PFKFB3: variants seen among roughly 807,000 people sequenced by gnomAD.
PFKFB3 encodes 6-phosphofructo-2-kinase/fructose-2,6-biphosphatase 3.
In PFKFB3, 33 loss-of-function variants were observed where a neutral mutation model predicts 68.0. The observed-to-expected ratio is 0.49, with a 90% CI of 0.37 to 0.65. The LOEUF (loss-of-function observed/expected upper bound fraction) is 0.65, where lower values mean the gene tolerates loss of function less well. Ranked by LOEUF, PFKFB3 falls within the 30% of genes least tolerant of loss-of-function variation. The pLI is 0.00. For missense variants in PFKFB3, 586 were observed against 712.2 expected (o/e 0.82, Z 2.02); for synonymous variants, 315 against 288.2 (o/e 1.09, Z -0.94).
the PFKFB3 span, among the ~76,000 whole-genome samples, chr10:6,313,364 T>A: frequency 6.6e-6 from 1 of 152,188 alleles, no homozygotes; most frequent in African/African-American, 2.4e-5. The surrounding 1 kb of genome is among the most constrained non-coding windows in gnomAD (Gnocchi z 4.2). Context: ...ATTATCACTA[T>A]CAGTAGTTTA....
chr10:6,163,023 T>G (rs1030286619), intron 1 of PFKFB3, among the ~76,000 whole-genome samples: 3 of 152,228 alleles, frequency 2.0e-5, no homozygotes, highest in Non-Finnish European at 4.4e-5. Context: ...GAGTTCTTCC[T>G]CTCCTTCCCC....
At chr10:6,204,464 G>T (rs552917370) in intron 1 of PFKFB3, among the ~76,000 whole-genome samples, 1 of 152,350 alleles carries the variant, frequency 6.6e-6, no homozygotes, top group Non-Finnish European at 1.5e-5. Flanking sequence ...AGCTCTCCTG[G>T]AGCCCTGCTC....
At chr10:6,152,655 T>C (rs779663846) in intron 1 of PFKFB3, among the ~76,000 whole-genome samples, 2 of 152,056 alleles carry the variant, frequency 1.3e-5, no homozygotes, top group Non-Finnish European at 2.9e-5. Context: ...GGTGGGAGGA[T>C]TGCTTGAGCC....
intron 1 of PFKFB3, among the ~76,000 whole-genome samples, chr10:6,159,707 A>C (rs1352732290): frequency 1.3e-5 from 2 of 151,546 alleles, no homozygotes; most frequent in Admixed American, 6.6e-5. Flanking sequence ...AAAAAAAAAA[A>C]AACAAAACAC....
At chr10:6,240,158 C>G (rs557069152), downstream of PFKFB3, among the ~76,000 whole-genome samples, 2 of 152,292 alleles carry the variant, frequency 1.3e-5, no homozygotes, top group East Asian at 3.9e-4. Context: ...TGCTAGGATG[C>G]AGGACGTTTG....
intron 1 of PFKFB3, among the ~76,000 whole-genome samples, chr10:6,186,491 T>G (rs1319138359): frequency 6.6e-6 from 1 of 152,234 alleles, no homozygotes; most frequent in African/African-American, 2.4e-5. Context: ...TAAAGTGAAA[T>G]TCACCTTCAC....
the PFKFB3 span, among the ~76,000 whole-genome samples, chr10:6,274,186 C>A: frequency 1.3e-5 from 2 of 151,176 alleles, no homozygotes. Context: ...GGTGACAGAG[C>A]GAGATCCTAT....
Position 6,228,953 on chromosome 10 carries a change from C to G in PFKFB3, c.1515+2588C>G, listed in dbSNP as rs978860208. ...CTGGGTAGCTGGGGCTGTGTTCCCA[C>G]TGCTCTGGGATCCCTTCCCCACCAG... On this transcript the variant is annotated intron_variant, in intron 14 of 14. Coordinates refer to ENST00000379775, the MANE Select transcript of PFKFB3 (RefSeq NM_004566.4). The surrounding 1 kb of genome is among the most constrained non-coding windows in gnomAD (Gnocchi z 4.5). 6.6e-6 allele frequency among the ~76,000 whole-genome samples: 1 copy of G among 152,224 alleles called. No individual in the cohort carries two copies. The highest frequency in any genetic ancestry group is 1.5e-5 in the Non-Finnish European group (1 of 68,036).
chr10:6,257,366 G>A (rs944017943), downstream of PFKFB3, among the ~76,000 whole-genome samples: 3 of 152,150 alleles, frequency 2.0e-5, no homozygotes, highest in African/African-American at 7.2e-5. Context: ...TCAACTCTGG[G>A]AAAAATAAAC....
chr10:6,174,754 T>C (rs1336271671), intron 1 of PFKFB3, among the ~76,000 whole-genome samples: 1 of 152,172 alleles, frequency 6.6e-6, no homozygotes, highest in Non-Finnish European at 1.5e-5. Context: ...GGGGAAGCTC[T>C]GGGGTCCCTG....
At chr10:6,275,644 A>T in the PFKFB3 span, among the ~76,000 whole-genome samples, 1 of 152,056 alleles carries the variant, frequency 6.6e-6, no homozygotes, top group African/African-American at 2.4e-5. This position sits in a 1 kb window ranked among gnomAD's most constrained non-coding sequence, Gnocchi z 4.9. Flanking sequence ...TTTTTTTGAG[A>T]TGGAGTCACG....
intron 1 of PFKFB3, among the ~76,000 whole-genome samples, chr10:6,171,482 A>G (rs1842311734): frequency 6.8e-6 from 1 of 148,040 alleles, no homozygotes; most frequent in Non-Finnish European, 1.5e-5. Flanking sequence ...TGCAGTCTCA[A>G]CCTCCTGGGC....
Position 6,242,180 on chromosome 10 carries a change from C to T in PFKFB3, c.1516-11998C>T, listed in dbSNP as rs111449385. Among the ~76,000 whole-genome samples the T allele has an allele frequency of 6.8e-3, 1,033 of 152,286 alleles. 9 individuals carry two copies. The highest frequency in any genetic ancestry group is 0.044 in the Middle Eastern group (13 of 294). On this transcript the variant is annotated intron_variant, in intron 14 of 14. Transcript: ENST00000640683. ...GTTTCAATTTTCCTTATTCCTTTTA[C>T]ACTTATTTGTAATTCTTTCATAAGG...
At chr10:6,145,562 G>T (rs1250326846) in intron 1 of PFKFB3, among the ~76,000 whole-genome samples, 2 of 152,188 alleles carry the variant, frequency 1.3e-5, no homozygotes, top group Non-Finnish European at 2.9e-5. Flanking sequence ...GGGCTCGGGG[G>T]CACGGAGAGG....
chr10:6,159,991 T>G (rs565417305), intron 1 of PFKFB3, among the ~76,000 whole-genome samples: 3 of 151,774 alleles, frequency 2.0e-5, no homozygotes, highest in Non-Finnish European at 2.9e-5. Flanking sequence ...ACTCCTAGAC[T>G]CAAGCAATCC....
At chr10:6,187,916 A>G (rs117125909) in intron 1 of PFKFB3, among the ~76,000 whole-genome samples, 27 of 151,780 alleles carry the variant, frequency 1.8e-4, no homozygotes, top group Middle Eastern at 3.4e-3. Flanking sequence ...AAGTGTTACC[A>G]TTTGACTCCT....
the PFKFB3 span, among the ~76,000 whole-genome samples, chr10:6,320,233 C>T: frequency 6.6e-6 from 1 of 152,048 alleles, no homozygotes; most frequent in Admixed American, 6.6e-5. Flanking sequence ...ATGAAGAATG[C>T]ATCTTCTAAG....
the PFKFB3 span, among the ~76,000 whole-genome samples, chr10:6,320,916 G>A: frequency 6.6e-6 from 1 of 152,174 alleles, no homozygotes; most frequent in African/African-American, 2.4e-5. Flanking sequence ...CTTGCTGAAG[G>A]CCTCCAGTGA....
chr10:6,236,939 G>A (rs757973396), downstream of PFKFB3, among the ~76,000 whole-genome samples: 4 of 152,134 alleles, frequency 2.6e-5, no homozygotes, highest in Non-Finnish European at 4.4e-5. Context: ...GGCTGGGGCC[G>A]GAGAGGGGTG....
Sources: gnomAD v4.1 joint callset for allele counts (sites outside exome capture counted in the v4.1 genomes callset) on GRCh38, gnomAD v4.1.1 for gene constraint, Gnocchi (gnomAD v3.1) non-coding constraint, MANE v1.5 for transcripts, NCBI Gene and HGNC (gene_info 2026-07-23, HGNC 2026-07-21) for gene names.